Variants in UNC79 observed in about 807,000 individuals in gnomAD.
UNC79 encodes the protein unc-79 subunit of NALCN channel complex.
Under a neutral mutation model 283.1 loss-of-function variants are expected in UNC79, and 37 were observed. The observed-to-expected ratio is 0.13, with a 90% CI of 0.10 to 0.17. UNC79 has a LOEUF of 0.17. Ranked by LOEUF, UNC79 falls within the 10% of genes least tolerant of loss-of-function variation. UNC79 has a pLI of 1.00. For synonymous variants in UNC79, 1,107 were observed against 1,200.2 expected (o/e 0.92, Z 1.61); for missense variants, 2,272 against 3,211.1 (o/e 0.71, Z 7.07).
At chr14:93,557,747 C>T (rs12882759) in intron 14 of UNC79, among the ~76,000 whole-genome samples, 1 of 152,176 alleles carries the variant, frequency 6.6e-6, no homozygotes, top group African/African-American at 2.4e-5. Flanking sequence ...GACTCATTCC[C>T]TAAGATGGGA....
intron 1 of UNC79, among the ~76,000 whole-genome samples, chr14:93,431,453 T>C (rs959742258): frequency 6.6e-6 from 1 of 151,902 alleles, no homozygotes; most frequent in Admixed American, 6.6e-5. Context: ...AACCAAAGCC[T>C]GCCTGGCCTT....
At chr14:93,515,223 A>G (rs2059999894) in intron 7 of UNC79, among the ~76,000 whole-genome samples, 2 of 150,762 alleles carry the variant, frequency 1.3e-5, no homozygotes, top group Admixed American at 1.3e-4. Context: ...ACCCCCCATT[A>G]TATTTTTCAC....
At chr14:93,645,843 T>C (rs553110712) in intron 34 of UNC79, among the ~76,000 whole-genome samples, 10 of 152,292 alleles carry the variant, frequency 6.6e-5, no homozygotes, top group African/African-American at 2.4e-4. Flanking sequence ...GGGAATGGTG[T>C]CTGGTGTTAG....
At chr14:93,663,376 G>C (rs1213257861) in intron 40 of UNC79, among the ~76,000 whole-genome samples, 2 of 152,104 alleles carry the variant, frequency 1.3e-5, no homozygotes, top group East Asian at 3.9e-4. Flanking sequence ...GGGCAAAATG[G>C]GAGCATTTCT....
intron 1 of UNC79, among the ~76,000 whole-genome samples, chr14:93,463,043 C>T (rs915508382): frequency 1.3e-5 from 2 of 152,072 alleles, no homozygotes; most frequent in African/African-American, 2.4e-5. Context: ...GGAACAGAGT[C>T]TAGGACTGAG....
chr14:93,370,156 G>A (rs2054413400), intron 1 of UNC79, among the ~76,000 whole-genome samples: 1 of 152,018 alleles, frequency 6.6e-6, no homozygotes, highest in Non-Finnish European at 1.5e-5. Flanking sequence ...CGGCTATCAA[G>A]AAAAACATTA....
At chr14:93,565,953 A>G (rs2062851180) in intron 14 of UNC79, among the ~76,000 whole-genome samples, 1 of 152,186 alleles carries the variant, frequency 6.6e-6, no homozygotes, top group African/African-American at 2.4e-5. Context: ...GTGAAAACCA[A>G]AAGAAAGGAA....
At chr14:93,380,996 A>C (rs182302799) in intron 1 of UNC79, among the ~76,000 whole-genome samples, 3 of 152,338 alleles carry the variant, frequency 2.0e-5, no homozygotes, top group South Asian at 4.1e-4. Context: ...GTCAGTGATA[A>C]ACAAAACGGA....
At chr14:93,453,809 C>G (rs1404979258) in intron 1 of UNC79, among the ~76,000 whole-genome samples, 2 of 152,190 alleles carry the variant, frequency 1.3e-5, no homozygotes, top group Admixed American at 1.3e-4. Context: ...CAACATTCAA[C>G]TTGAAGAAAA....
exon 35 of UNC79, chr14:93,646,643 A>G (rs1256987841): frequency 1.2e-6 from 2 of 1,613,824 alleles, no homozygotes; most frequent in Non-Finnish European, 1.7e-6. Context: ...AATCAAGCAG[A>G]AAGGTAAGGT....
chr14:93,476,994 G>T (rs1445554056), intron 3 of UNC79, among the ~76,000 whole-genome samples: 2 of 152,148 alleles, frequency 1.3e-5, no homozygotes, highest in East Asian at 3.9e-4. Context: ...TAAAGATGTT[G>T]TTAGAAAGAT....
intron 31 of UNC79, among the ~76,000 whole-genome samples, chr14:93,636,194 C>T (rs534905708): frequency 5.3e-4 from 80 of 152,282 alleles, no homozygotes; most frequent in South Asian, 2.7e-3. Context: ...ACCCATTTAA[C>T]GGAATTTTTC....
upstream of UNC79, among the ~76,000 whole-genome samples, chr14:93,426,246 G>A (rs2055723047): frequency 6.6e-6 from 1 of 151,838 alleles, no homozygotes; most frequent in Non-Finnish European, 1.5e-5. Context: ...TCATTCTCTG[G>A]TTGGTTCCAA....
upstream of UNC79, among the ~76,000 whole-genome samples, chr14:93,426,109 A>G (rs145398687): frequency 1.8e-3 from 272 of 152,128 alleles, 1 homozygote; most frequent in Non-Finnish European, 2.3e-3. Context: ...CTGCATTAAC[A>G]GTTTTCTTTT....
At chr14:93,377,020 C>A (rs892718404) in intron 1 of UNC79, among the ~76,000 whole-genome samples, 2 of 150,508 alleles carry the variant, frequency 1.3e-5, no homozygotes, top group Admixed American at 6.6e-5. Context: ...ACAGACTTCA[C>A]TGACTGCATT....
At chr14:93,597,923 C>T (rs181261884) in intron 24 of UNC79, among the ~76,000 whole-genome samples, 130 of 152,190 alleles carry the variant, frequency 8.5e-4, no homozygotes, top group Middle Eastern at 3.4e-3. Context: ...ATAATATTGA[C>T]GATGATGATG....
intron 22 of UNC79, among the ~76,000 whole-genome samples, chr14:93,588,817 A>G (rs879418945): frequency 2.6e-5 from 4 of 151,926 alleles, no homozygotes; most frequent in Non-Finnish European, 4.4e-5. Flanking sequence ...GGCCAGAGAA[A>G]GAAAACAGTT....
At chr14:93,379,230 T>G (rs1566902368) in intron 1 of UNC79, among the ~76,000 whole-genome samples, 1 of 152,108 alleles carries the variant, frequency 6.6e-6, no homozygotes, top group Non-Finnish European at 1.5e-5. Flanking sequence ...ATCTTTTACT[T>G]GAACTACAGA....
At position 93,590,970 on chromosome 14, in the gene UNC79, A is replaced by G. The variant is rs1481314933; in HGVS notation, c.3033-2710A>G. 2.6e-5 allele frequency among the ~76,000 whole-genome samples: 4 copies of G among 152,194 alleles called. 1 individual carries two copies. The highest frequency in any genetic ancestry group is 4.1e-4 in the South Asian group (2 of 4,830). ...GGTGGTAGCAGCTTCAGGTTTCTGC[A>G]TACCTACTAAGTGCCATGCTCTCTG... On this transcript the variant is annotated intron_variant, in intron 22 of 48. Transcript: ENST00000555664.
Sources: allele counts gnomAD v4.1 joint callset (sites outside exome capture counted in the v4.1 genomes callset), GRCh38; gene constraint gnomAD v4.1.1; transcripts MANE v1.5; gene names NCBI Gene and HGNC (gene_info 2026-07-23, HGNC 2026-07-21).